Variants in KLF8 observed in about 807,000 individuals in gnomAD.
The protein encoded by KLF8 is Krueppel-like factor 8.
In KLF8, 10 loss-of-function variants were observed where a neutral mutation model predicts 18.2. The ratio of observed to expected loss-of-function variants is 0.55; its 90% confidence interval spans 0.34 to 0.93. The LOEUF (loss-of-function observed/expected upper bound fraction) is 0.93. Ranked by LOEUF, KLF8 falls within the 40% of genes least tolerant of loss-of-function variation. The pLI is 0.02. For missense variants in KLF8, 264 were observed against 277.9 expected, an observed-to-expected ratio of 0.95 and a Z score of 0.36; for synonymous variants, 109 against 97.3, an observed-to-expected ratio of 1.12 and a Z score of -0.71.
At chrX:56,202,222 A>G in the KLF8 span, among the ~76,000 whole-genome samples, 15 of 109,848 alleles carry the variant, frequency 1.4e-4, no homozygotes, top group Non-Finnish European at 1.5e-4. Flanking sequence ...TTCACATTGC[A>G]TGACTAAGTC....
chrX:55,946,471 A>G, the KLF8 span, among the ~76,000 whole-genome samples: 1 of 111,960 alleles, frequency 8.9e-6, no homozygotes, highest in African/African-American at 3.2e-5. Context: ...CTTACACCTT[A>G]TACAAAAATT....
chrX:56,005,837 G>C, the KLF8 span, among the ~76,000 whole-genome samples: 1 of 111,358 alleles, frequency 9.0e-6, no homozygotes, highest in Admixed American at 9.4e-5. Flanking sequence ...CAGGTAGGCT[G>C]GTGTGTGGTG....
At chrX:56,032,024 G>T in the KLF8 span, among the ~76,000 whole-genome samples, 26 of 111,096 alleles carry the variant, frequency 2.3e-4, no homozygotes, top group African/African-American at 8.2e-4. Flanking sequence ...AACATCGGTT[G>T]CTAGGTCATG....
At chrX:56,181,947 G>T in the KLF8 span, among the ~76,000 whole-genome samples, 1 of 110,777 alleles carries the variant, frequency 9.0e-6, no homozygotes, top group African/African-American at 3.3e-5. Flanking sequence ...TCTTGCAGTT[G>T]CTCTTTTTGA....
chrX:56,191,525 G>A, the KLF8 span, among the ~76,000 whole-genome samples: 1 of 111,659 alleles, frequency 9.0e-6, no homozygotes, highest in East Asian at 2.8e-4. Flanking sequence ...CAGTATCACT[G>A]ATAAGTATTG....
At chrX:56,192,305 T>C in the KLF8 span, among the ~76,000 whole-genome samples, 1 of 111,154 alleles carries the variant, frequency 9.0e-6, no homozygotes, top group Non-Finnish European at 1.9e-5. Flanking sequence ...TATAAAACAT[T>C]GATGCAATAA....
At chrX:56,139,246 C>T in the KLF8 span, among the ~76,000 whole-genome samples, 1 of 111,888 alleles carries the variant, frequency 8.9e-6, no homozygotes, top group Non-Finnish European at 1.9e-5. Context: ...TTTACAAATA[C>T]AATGCTATTC....
chrX:56,067,562 G>A, the KLF8 span, among the ~76,000 whole-genome samples: 1,420 of 111,379 alleles, frequency 0.013, 8 homozygotes, highest in Middle Eastern at 0.023. Flanking sequence ...ATCCATCAAT[G>A]CAGCAGGGGA....
the KLF8 span, among the ~76,000 whole-genome samples, chrX:56,150,558 A>G: frequency 9.0e-6 from 1 of 111,327 alleles, no homozygotes; most frequent in East Asian, 2.8e-4. Flanking sequence ...TGAAGGAAAG[A>G]CAAGCTATCA....
At chrX:55,956,166 T>TATC in the KLF8 span, among the ~76,000 whole-genome samples, 1 of 96,879 alleles carries the variant, frequency 1.0e-5, no homozygotes, top group Non-Finnish European at 2.1e-5. Context: ...TCTATCTATC[T>TATC]ATCATCTATC....
At chrX:56,103,624 G>A in the KLF8 span, among the ~76,000 whole-genome samples, 17 of 111,310 alleles carry the variant, frequency 1.5e-4, no homozygotes, top group Non-Finnish European at 2.8e-4. Context: ...GAGACAATGG[G>A]GTTTTCTAAA....
At chrX:55,973,176 C>T in the KLF8 span, among the ~76,000 whole-genome samples, 1 of 112,007 alleles carries the variant, frequency 8.9e-6, no homozygotes, top group Non-Finnish European at 1.9e-5. Flanking sequence ...AAACTGGACT[C>T]TTGTCTTTTT....
the KLF8 span, among the ~76,000 whole-genome samples, chrX:56,043,299 G>C: frequency 1.8e-5 from 2 of 109,428 alleles, no homozygotes; most frequent in East Asian, 5.8e-4. Context: ...TATTGGAGAT[G>C]ATCTTCTCAT....
At chrX:56,049,197 T>C in the KLF8 span, among the ~76,000 whole-genome samples, 3 of 111,585 alleles carry the variant, frequency 2.7e-5, no homozygotes, top group African/African-American at 9.8e-5. Flanking sequence ...AGATATATAA[T>C]CATGTCATCT....
At chrX:56,165,385 T>C in the KLF8 span, among the ~76,000 whole-genome samples, 1 of 112,364 alleles carries the variant, frequency 8.9e-6, no homozygotes, top group Non-Finnish European at 1.9e-5. Context: ...GGTTGAAATG[T>C]GTAATGTGAA....
chrX:56,194,399 C>T, the KLF8 span, among the ~76,000 whole-genome samples: 1 of 112,256 alleles, frequency 8.9e-6, no homozygotes, highest in Non-Finnish European at 1.9e-5. Flanking sequence ...AACCAGCAGA[C>T]AAGGAGATTC....
chrX:56,238,456 C>G (rs1381114929), intron 1 of KLF8, among the ~76,000 whole-genome samples: 1 of 111,942 alleles, frequency 8.9e-6, no homozygotes, highest in Admixed American at 9.5e-5. Flanking sequence ...GCTTGGGCAA[C>G]AAGAGTGAAA....
chrX:55,949,505 C>A, the KLF8 span, among the ~76,000 whole-genome samples: 1 of 110,946 alleles, frequency 9.0e-6, no homozygotes, highest in African/African-American at 3.3e-5. Context: ...GACAAGAAAA[C>A]AAGAAGCACC....
chrX:56,108,656 A>G, the KLF8 span, among the ~76,000 whole-genome samples: 4 of 110,739 alleles, frequency 3.6e-5, no homozygotes, highest in Non-Finnish European at 7.6e-5. Context: ...GGTCTTTAAA[A>G]TTTTTTTCCT....
Sources: allele counts gnomAD v4.1 joint callset (sites outside exome capture counted in the v4.1 genomes callset), GRCh38; gene constraint gnomAD v4.1.1; transcripts MANE v1.5; gene names NCBI Gene and HGNC (gene_info 2026-07-23, HGNC 2026-07-21).